Variants in KCNT1 observed in about 807,000 individuals in gnomAD.
KCNT1 encodes the protein potassium sodium-activated channel subfamily T member 1.
KCNT1 carries 78 observed loss-of-function variants against 147.8 expected under a neutral mutation model. The ratio of observed to expected loss-of-function variants is 0.53; its 90% confidence interval spans 0.44 to 0.64. The LOEUF is 0.64. Among genes scored for constraint, KCNT1 ranks in the 30% least tolerant of loss-of-function variants. The pLI is 0.00. For missense variants in KCNT1, 1,419 were observed against 1,750.3 expected (o/e 0.81, Z 3.38); for synonymous variants, 867 against 748.8 (o/e 1.16, Z -2.58).
chr9:135,754,051 G>C, intron 5 of KCNT1, 58 bp downstream of exon 5: 1 of 1,508,544 alleles, frequency 6.6e-7, no homozygotes, highest in Non-Finnish European at 9.2e-7. Context: ...GACCAGGGTG[G>C]GGTGGGATGA....
rs1465054757 is a variant in KCNT1, at chr9:135,784,541, G to C, written c.2950G>C (p.Val984Leu). 7.8e-7 allele frequency: 1 copy of C among 1,287,724 alleles called. No homozygotes were observed. The highest frequency in any genetic ancestry group is 1.0e-6 in the Non-Finnish European group (1 of 978,612). 79.8% of individuals were successfully genotyped at this position (1,287,724 alleles called of 1,614,324 possible). Residue 984 changes from valine (V) to leucine (L), a missense_variant, in exon 26 of 31, where the codon GTG becomes CTG. Transcript: ENST00000371757. ...TCCCTCCCTCCCTGGCCAGTCCTTC[G>C]TGAAGGACTACATGATCACCATCAC... ...MLDTLLYQSF[V>L]KDYMITITRL... is the part of the protein sequence containing the mutation.
chr9:135,723,991 C>A (rs998374793), intron 2 of KCNT1, among the ~76,000 whole-genome samples: 1 of 152,220 alleles, frequency 6.6e-6, no homozygotes, highest in African/African-American at 2.4e-5. Flanking sequence ...CACTCTGAGC[C>A]CGTCTCTTCC....
intron 13 of KCNT1, among the ~76,000 whole-genome samples, chr9:135,767,759 G>A (rs1426945552): frequency 3.9e-5 from 6 of 152,072 alleles, no homozygotes; most frequent in Admixed American, 1.3e-4. Flanking sequence ...AGCCAGCAGA[G>A]CCCCCTCGCA....
chr9:135,735,027 G>A lies in KCNT1; in HGVS notation c.255-15071G>A, dbSNP rs890119816. On this transcript the variant is annotated intron_variant, in intron 2 of 30. Transcript: ENST00000371757. ...GAGCCCAGCCTCATTCTTTACAGCCGTTCTGGGGCACTCCACAGGAGGGTT... is the reference window on the plus strand; with the variant it reads ...GAGCCCAGCCTCATTCTTTACAGCCATTCTGGGGCACTCCACAGGAGGGTT... Among the ~76,000 whole-genome samples the A allele has an allele frequency of 3.9e-5, 6 of 152,206 alleles. No individual in the cohort carries two copies. In the South Asian group the frequency reaches 1.2e-3, roughly 31 times the overall value.
intron 15 of KCNT1, 27 bp downstream of exon 15, chr9:135,768,964 G>A (rs1832522600): frequency 2.6e-6 from 4 of 1,554,466 alleles, no homozygotes; most frequent in African/African-American, 1.4e-5. Flanking sequence ...CGTGGGTGAT[G>A]GTGTATCTGG....
intron 11 of KCNT1, among the ~76,000 whole-genome samples, chr9:135,763,908 C>T (rs922447029): frequency 1.3e-5 from 2 of 152,042 alleles, no homozygotes; most frequent in East Asian, 3.9e-4. Flanking sequence ...GAGTGGGGGA[C>T]GTGAGCCCTG....
chr9:135,785,701 C>T, intron 28 of KCNT1: 1 of 495,938 alleles, frequency 2.0e-6, no homozygotes, highest in Non-Finnish European at 3.7e-6. Flanking sequence ...ATGCCTACCT[C>T]TTCCCAGCAC....
In KCNT1 at chr9:135,788,105, G is replaced by T. The variant is rs759235951; in HGVS notation, c.3502+1584G>T. 2.5e-6 allele frequency: 4 copies of T among 1,609,032 alleles called. No homozygotes were observed. In the East Asian group the frequency reaches 8.9e-5, roughly 36 times the overall value. On this transcript the variant is annotated intron_variant, in intron 29 of 30. Coordinates refer to ENST00000371757, the MANE Select transcript of KCNT1 (RefSeq NM_020822.3). ...TCTTTCTGTGTGTTCTGTAGAGGAC[G>T]TAGCAAATTTAACAGCCAGTGATGT...
chr9:135,721,965 C>A (rs1835941410), intron 2 of KCNT1, among the ~76,000 whole-genome samples: 1 of 152,220 alleles, frequency 6.6e-6, no homozygotes, highest in Admixed American at 6.5e-5. Context: ...CCCTGTCCCT[C>A]CCTCCGACGG....
intron 14 of KCNT1, 48 bp downstream of exon 14, chr9:135,768,721 C>G: frequency 6.5e-7 from 1 of 1,533,866 alleles, no homozygotes; most frequent in South Asian, 1.2e-5. Flanking sequence ...ACCGTGGGGC[C>G]GGGGAGCGGG....
chr9:135,770,424 C>T lies in KCNT1; in HGVS notation c.1746C>T (p.Tyr582=), dbSNP rs763438119. The T allele has an allele frequency of 6.3e-5, 102 of 1,612,496 alleles. 1 individual carries two copies. The highest frequency in any genetic ancestry group is 4.6e-4 in the South Asian group (42 of 90,962). ...AGTACGAGGGCAAGAGCTTCACCTACGCGGCCTTCCACGCCCACAAGAAGT... is the reference window on the plus strand; with the variant it reads ...AGTACGAGGGCAAGAGCTTCACCTATGCGGCCTTCCACGCCCACAAGAAGT... ...FREYEGKSFT[Y]AAFHAHKKYG... is the part of the protein sequence containing the mutation. The change falls in exon 17 of 31, where the codon TAC becomes TAT. Residue 582 remains tyrosine (Y), a synonymous_variant. Transcript: ENST00000371757.
chr9:135,759,882 C>G lies in KCNT1; in HGVS notation c.1035+23C>G, dbSNP rs1205825916. Reference sequence around the variant, plus strand: ...CAGGTGGGTCCTCTGGGCACCAGCCCTGGGTGGCACCAGCAAAGGGACAGG... The same window carrying G: ...CAGGTGGGTCCTCTGGGCACCAGCCGTGGGTGGCACCAGCAAAGGGACAGG... On this transcript the variant is annotated intron_variant, in intron 11 of 30. Transcript: ENST00000371757. 6 of 1,571,248 alleles carry G rather than the reference C, an allele frequency of 3.8e-6. No individual in the cohort carries two copies. In the African/African-American group the frequency reaches 6.8e-5, roughly 18 times the overall value.
At chr9:135,766,527 TGGGTGGACCATCTGGGGTGGATCGTCTG>T (rs1832297503) in intron 13 of KCNT1, among the ~76,000 whole-genome samples, 2 of 133,384 alleles carry the variant, frequency 1.5e-5, no homozygotes, top group South Asian at 2.4e-4. Context: ...TGGACCCTCT[TGGGTGGACCATCTGGGGTGGATCGTCTG>T]GGGTGGACCA....
rs767289835 is a variant in KCNT1 at position 135,775,463 on chromosome 9, C to T, written c.2349+48C>T. On this transcript the variant is annotated intron_variant, in intron 20 of 30. Coordinates refer to ENST00000371757, the MANE Select transcript of KCNT1 (RefSeq NM_020822.3). ...GCTCTGCACCCCCAGACGCCAGCAC[C>T]GGGCCGTGCATACCTGCCCTGGTTT... The T allele has an allele frequency of 1.1e-5, 16 of 1,424,328 alleles. No homozygotes were observed. In the Admixed American group the frequency reaches 1.3e-4, roughly 12 times the overall value. The allele number at this position is 1,424,328 out of a possible 1,614,324, so 88.2% of individuals were successfully genotyped here.
Position 135,769,942 on chromosome 9 carries a change from C to T in KCNT1, c.1511-5C>T, listed in dbSNP as rs546333402. The T allele has an allele frequency of 8.4e-6, 13 of 1,548,430 alleles. No individual in the cohort carries two copies. Among genetic ancestry groups the T allele is most frequent in the East Asian group, 2.4e-5 (1 of 40,934 alleles). On this transcript the variant is annotated splice_region_variant and splice_polypyrimidine_tract_variant and intron_variant, in intron 15 of 30. Transcript: ENST00000371757. The stretch of plus-strand genomic sequence containing the variant: ...AGGTGGACCGGCCTCCCCCACTGCC[C>T]GCAGACCACGTGGTGTGTGAGGAGG...
At chr9:135,715,857 A>G (rs1835701339) in intron 2 of KCNT1, among the ~76,000 whole-genome samples, 1 of 152,206 alleles carries the variant, frequency 6.6e-6, no homozygotes, top group Non-Finnish European at 1.5e-5. Context: ...GTGTGAACCA[A>G]GAGTCAGGAG....
Position 135,704,381 on chromosome 9 carries a change from T to G in KCNT1, c.110+2013T>G, listed in dbSNP as rs937834976. ...GCTCCACGCTAGTGGTGTCCCTGAGTCAGCCTCAAGGCCATCAGGCCGGAA... is the reference window on the plus strand; with the variant it reads ...GCTCCACGCTAGTGGTGTCCCTGAGGCAGCCTCAAGGCCATCAGGCCGGAA... On this transcript the variant is annotated intron_variant, in intron 1 of 30. Transcript: ENST00000371757. 5.3e-5 allele frequency among the ~76,000 whole-genome samples: 8 copies of G among 152,308 alleles called. No homozygotes were observed. In the East Asian group the frequency reaches 1.4e-3, roughly 26 times the overall value.
intron 26 of KCNT1, 58 bp downstream of exon 26, chr9:135,784,676 T>C (rs983982666): frequency 1.4e-5 from 22 of 1,608,882 alleles, no homozygotes; most frequent in Admixed American, 3.3e-5. Flanking sequence ...AGTGGGTGGA[T>C]GGGCACCTGC....
At chr9:135,782,197 C>T (rs1005871635) in intron 24 of KCNT1, among the ~76,000 whole-genome samples, 4 of 152,040 alleles carry the variant, frequency 2.6e-5, no homozygotes, top group African/African-American at 9.7e-5. Flanking sequence ...GAGCGAGACC[C>T]TGTCTCAAAA....
Sources: gnomAD v4.1 joint callset for allele counts (sites outside exome capture counted in the v4.1 genomes callset) on GRCh38, gnomAD v4.1.1 for gene constraint, MANE v1.5 for transcripts, NCBI Gene and HGNC (gene_info 2026-07-23, HGNC 2026-07-21) for gene names.